The following KIAA0319L variants were observed in gnomAD, a reference collection of about 807,000 sequenced individuals.
KIAA0319L encodes KIAA0319 like, also known as dyslexia-associated protein KIAA0319-like protein.
A neutral mutation model predicts 120.1 loss-of-function variants in KIAA0319L; 55 were observed. The ratio of observed to expected loss-of-function variants is 0.46; its 90% confidence interval spans 0.37 to 0.57. The LOEUF is 0.57. Among genes scored for constraint, KIAA0319L ranks in the 20% least tolerant of loss-of-function variants. The probability of loss-of-function intolerance (pLI) is 0.00; values close to 1 mark genes in which losing one functional copy is unlikely to be tolerated. For synonymous variants in KIAA0319L, 398 were observed against 471.9 expected, an observed-to-expected ratio of 0.84 and a Z score of 2.03; for missense variants, 1,049 against 1,255.3, an observed-to-expected ratio of 0.84 and a Z score of 2.48.
chr1:35,506,596 T>A lies in KIAA0319L; in HGVS notation c.666+16A>T, dbSNP rs1645213004. 2 of 1,598,416 alleles carry A rather than the reference T, an allele frequency of 1.3e-6. No individual in the cohort carries two copies. The highest frequency in any genetic ancestry group is 1.7e-6 in the Non-Finnish European group (2 of 1,172,018). On this transcript the variant is annotated intron_variant, in intron 3 of 20. Transcript: ENST00000325722. The surrounding 1 kb of genome is among the most constrained non-coding windows in gnomAD (Gnocchi z 4.0). ...GATTTAACCATTTCTCTGCTCCTTA[T>A]TCATAGCATGCTTACCTCTGCAGAG... is the stretch of plus-strand genomic sequence containing the variant.
At chr1:35,518,251 A>G (rs1297850140) in intron 2 of KIAA0319L, among the ~76,000 whole-genome samples, 1 of 152,192 alleles carries the variant, frequency 6.6e-6, no homozygotes, top group Non-Finnish European at 1.5e-5. Flanking sequence ...ATTCTACCAT[A>G]AGACACATGC....
chr1:35,446,729 C>T (rs56147228), intron 16 of KIAA0319L, among the ~76,000 whole-genome samples: 1 of 152,194 alleles, frequency 6.6e-6, no homozygotes, highest in Non-Finnish European at 1.5e-5. Flanking sequence ...CCTCTTCTTT[C>T]TCTGCCTCCT....
At chr1:35,513,288 A>ATATATATATATATATT (rs1414704674) in intron 2 of KIAA0319L, among the ~76,000 whole-genome samples, 1 of 85,300 alleles carries the variant, frequency 1.2e-5, no homozygotes, top group African/African-American at 4.3e-5. Context: ...ATATATATAT[A>ATATATATATATATATT]TTTTTTTTTT....
intron 3 of KIAA0319L, among the ~76,000 whole-genome samples, chr1:35,480,612 T>C (rs1644123460): frequency 6.6e-6 from 1 of 152,012 alleles, no homozygotes; most frequent in Non-Finnish European, 1.5e-5. Context: ...TGAAACCCCA[T>C]CTCTACTAAA....
At chr1:35,439,380 T>C (rs558594263) in intron 20 of KIAA0319L, 2 of 152,234 alleles carry the variant, frequency 1.3e-5, no homozygotes, top group Non-Finnish European at 2.9e-5. Flanking sequence ...AATGTCTGTC[T>C]GACATAAGCT....
At chr1:35,457,211 C>T (rs1356660128) in intron 9 of KIAA0319L, among the ~76,000 whole-genome samples, 1 of 152,110 alleles carries the variant, frequency 6.6e-6, no homozygotes, top group Non-Finnish European at 1.5e-5. Flanking sequence ...AAGATGCAAG[C>T]ATAGTTCTCT....
At chr1:35,547,076 T>C (rs1438295805) in intron 2 of KIAA0319L, among the ~76,000 whole-genome samples, 1 of 145,716 alleles carries the variant, frequency 6.9e-6, no homozygotes, top group Non-Finnish European at 1.5e-5. Context: ...AATAGTGGAA[T>C]TGCTGGATCA....
rs183856852 is a variant in KIAA0319L, at chr1:35,544,039, C to T, written c.142+10311G>A. On this transcript the variant is annotated intron_variant, in intron 2 of 20. Coordinates refer to ENST00000325722, the MANE Select transcript of KIAA0319L (RefSeq NM_024874.5). ...GCAGGCTGACCTGGCATGGGCAGAC[C>T]GGCTAGAGCATGGAAGTGGGACAAA... 1.9e-3 allele frequency among the ~76,000 whole-genome samples: 286 copies of T among 152,136 alleles called. 1 individual carries two copies. The highest frequency in any genetic ancestry group is 4.6e-3 in the African/African-American group (191 of 41,506).
Position 35,456,520 on chromosome 1 carries a change from AAGAC to A in KIAA0319L, c.1428-283_1428-280del, listed in dbSNP as rs549376093. 1.7e-4 allele frequency among the ~76,000 whole-genome samples: 26 copies of A among 152,194 alleles called. 1 individual carries two copies. In the East Asian group the frequency reaches 4.3e-3, roughly 25 times the overall value. On this transcript the variant is annotated intron_variant, in intron 9 of 20. Transcript: ENST00000325722. ...TTTACTCCTCACATATATGAGGAGA[AAGAC>A]AGAGAGGCCAGGTGCGTTGGCACAC...
intron 4 of KIAA0319L, among the ~76,000 whole-genome samples, chr1:35,478,574 AAAAT>A (rs1644007932): frequency 6.6e-6 from 1 of 152,218 alleles, no homozygotes. Flanking sequence ...AAAAGTTTTA[AAAAT>A]AAATAAAAAT....
intron 2 of KIAA0319L, among the ~76,000 whole-genome samples, chr1:35,551,865 A>T (rs903820903): frequency 3.3e-5 from 5 of 152,148 alleles, no homozygotes; most frequent in Non-Finnish European, 5.9e-5. Context: ...TTCTATACTT[A>T]ATTAGGGTGC....
chr1:35,543,817 G>A (rs1254746063), intron 2 of KIAA0319L, among the ~76,000 whole-genome samples: 1 of 152,180 alleles, frequency 6.6e-6, no homozygotes, highest in Non-Finnish European at 1.5e-5. Context: ...GGTTGAGGGT[G>A]ATAATTAATC....
At position 35,442,966 on chromosome 1, in the gene KIAA0319L, C is replaced by G; in HGVS notation, c.2719G>C (p.Asp907His). The G allele has an allele frequency of 6.2e-7, 1 of 1,614,182 alleles. No homozygotes were observed. The highest frequency in any genetic ancestry group is 8.5e-7 in the Non-Finnish European group (1 of 1,180,036). The change falls in exon 18 of 21, where the codon GAC becomes CAC. Residue 907 changes from aspartate (D) to histidine (H), a missense_variant. By Grantham distance (81) the Asp-to-His change is moderately conservative. Coordinates refer to ENST00000325722, the MANE Select transcript of KIAA0319L (RefSeq NM_024874.5). Reference protein sequence around the residue: ...CDSFTKRCICDPFWMENFIKV... With the variant: ...CDSFTKRCICHPFWMENFIKV... ...ATGAAATTCTCCATCCAAAAAGGGT[C>G]ACAGATACAGCGTTTGGTGAACGAG...
In KIAA0319L at chr1:35,444,559, C is replaced by T. The variant is rs3738692; in HGVS notation, c.2514-256G>A. 1.1e-3 allele frequency among the ~76,000 whole-genome samples: 173 copies of T among 152,304 alleles called. 1 individual carries two copies. The East Asian group carries it at 0.03, about 26-fold the overall frequency. ...ATTATGGCAGAGCCAGATCCCAACCCTGTTATGTCTGACTACAAAGTCTGT... is the reference window on the plus strand; with the variant it reads ...ATTATGGCAGAGCCAGATCCCAACCTTGTTATGTCTGACTACAAAGTCTGT... On this transcript the variant is annotated intron_variant, in intron 16 of 20. Coordinates refer to ENST00000325722, the MANE Select transcript of KIAA0319L (RefSeq NM_024874.5).
At chr1:35,491,779 A>G (rs1644604195) in intron 3 of KIAA0319L, among the ~76,000 whole-genome samples, 1 of 152,236 alleles carries the variant, frequency 6.6e-6, no homozygotes, top group Admixed American at 6.5e-5. Flanking sequence ...GCAAGAGACA[A>G]GAAGACACAA....
chr1:35,449,659 TAGGGGG>T (rs1431850112), intron 15 of KIAA0319L, among the ~76,000 whole-genome samples: 1 of 152,158 alleles, frequency 6.6e-6, no homozygotes, highest in African/African-American at 2.4e-5. Context: ...CTGAGATGAA[TAGGGGG>T]AGGTCTGTAT....
At chr1:35,460,815 A>G (rs954828372) in intron 8 of KIAA0319L, among the ~76,000 whole-genome samples, 2 of 152,266 alleles carry the variant, frequency 1.3e-5, no homozygotes, top group Non-Finnish European at 2.9e-5. Context: ...AAAATTTCAT[A>G]ACACATTATA....
rs996465768 is a variant in KIAA0319L, at chr1:35,487,526, G to A, written c.667-8314C>T. On this transcript the variant is annotated intron_variant, in intron 3 of 20. Coordinates refer to ENST00000325722, the MANE Select transcript of KIAA0319L (RefSeq NM_024874.5). ...TGCCTTGGCCTCCCAAAGTGCTGGC[G>A]TAAGGCACCACGCCCAGCCTGGCCA... is the stretch of plus-strand genomic sequence containing the variant. 5.9e-5 allele frequency among the ~76,000 whole-genome samples: 9 copies of A among 152,250 alleles called. No individual in the cohort carries two copies. In the South Asian group the frequency reaches 1.5e-3, roughly 25 times the overall value.
intron 2 of KIAA0319L, among the ~76,000 whole-genome samples, chr1:35,547,596 G>A (rs1647032826): frequency 6.6e-6 from 1 of 152,162 alleles, no homozygotes; most frequent in Non-Finnish European, 1.5e-5. Context: ...GGATATGGAT[G>A]AACCTTGGAA....
Sources: gnomAD v4.1 joint callset for allele counts (sites outside exome capture counted in the v4.1 genomes callset) on GRCh38, gnomAD v4.1.1 for gene constraint, Gnocchi (gnomAD v3.1) non-coding constraint, MANE v1.5 for transcripts, NCBI Gene and HGNC (gene_info 2026-07-23, HGNC 2026-07-21) for gene names.